GAK: variants seen among roughly 807,000 people sequenced by gnomAD.
GAK encodes the protein cyclin-G-associated kinase.
Under a neutral mutation model 143.9 loss-of-function variants are expected in GAK, and 79 were observed. The observed-to-expected ratio is 0.55, with a 90% CI of 0.46 to 0.66. The LOEUF (loss-of-function observed/expected upper bound fraction) is 0.66, where lower values mean the gene tolerates loss of function less well. Among genes scored for constraint, GAK ranks in the 30% least tolerant of loss-of-function variants. GAK has a pLI of 0.00. For synonymous variants in GAK, 881 were observed against 765.5 expected, an observed-to-expected ratio of 1.15 and a Z score of -2.49; for missense variants, 1,693 against 1,779.7, an observed-to-expected ratio of 0.95 and a Z score of 0.88.
intron 1 of GAK, among the ~76,000 whole-genome samples, chr4:930,948 C>T (rs1205026689): frequency 6.6e-6 from 1 of 152,192 alleles, no homozygotes; most frequent in Non-Finnish European, 1.5e-5. Flanking sequence ...TGAGAGGTAC[C>T]AGGGAGCTGG....
chr4:869,544 C>T (rs1577091628), intron 19 of GAK: 1 of 107,266 alleles, frequency 9.3e-6, no homozygotes. Context: ...TACACACATG[C>T]AGGGTACACA....
At position 849,402 on chromosome 4, in the gene GAK, C is replaced by T; in HGVS notation, c.*271G>A. 1.9e-6 allele frequency: 1 copy of T among 513,554 alleles called. No homozygotes were observed. The highest frequency in any genetic ancestry group is 3.3e-5 in the East Asian group (1 of 30,748). The allele number at this position is 513,554 out of a possible 1,614,324, so 31.8% of individuals were successfully genotyped here. On this transcript the variant is annotated 3_prime_UTR_variant, in exon 28 of 28. Coordinates refer to ENST00000314167, the MANE Select transcript of GAK (RefSeq NM_005255.4). Reference sequence around the variant, plus strand: ...ACGTGCCGGGGCTCCAGAGGCCACGCCCGAAACACCAAATAAATCACAGAC... The same window carrying T: ...ACGTGCCGGGGCTCCAGAGGCCACGTCCGAAACACCAAATAAATCACAGAC...
intron 26 of GAK, 175 bp from the exon 27 acceptor site, chr4:850,243 CG>C: frequency 1.8e-6 from 1 of 564,066 alleles, no homozygotes; most frequent in Non-Finnish European, 3.0e-6. Context: ...GAGCCCACTC[CG>C]GACGACACAG....
chr4:849,684 G>T lies in GAK; in HGVS notation c.3925C>A (p.Pro1309Thr). Reference sequence around the variant, plus strand: ...CCACCACTGCGGCCTCAGAAGAGGGGCCGGGAGCCCTGGTTCTCAAACTCC... The same window carrying T: ...CCACCACTGCGGCCTCAGAAGAGGGTCCGGGAGCCCTGGTTCTCAAACTCC... ...WSEFENQGSRPLF is the reference protein window; with the variant it reads ...WSEFENQGSRTLF Residue 1309 changes from proline to threonine, a missense_variant, in exon 28 of 28, where the codon CCC (proline) becomes ACC (threonine). This residue lies in a region of GAK where 822 missense variants were observed against 788.7 expected (regional missense o/e 1.04). Transcript: ENST00000314167. 1 of 1,612,278 alleles carries T rather than the reference G, an allele frequency of 6.2e-7. No homozygotes were observed. The highest frequency in any genetic ancestry group is 1.7e-5 in the Admixed American group (1 of 59,878).
rs748055361 is a variant in GAK, at chr4:882,749, A to G, written c.1475T>C (p.Met492Thr). 1 of 1,612,598 alleles carries G rather than the reference A, an allele frequency of 6.2e-7. No homozygotes were observed. The highest frequency in any genetic ancestry group is 8.5e-7 in the Non-Finnish European group (1 of 1,179,960). The stretch of plus-strand genomic sequence containing the variant: ...GTGGTCCTGCCGCAGCCAGGCGTGC[A>G]TGTTCCTGCAGATGTTGTACAGGGT... ...LHTLYNICRN[M>T]HAWLRQDHKN... Residue 492 changes from methionine (M) to threonine (T), a missense_variant, in exon 14 of 28, where the codon ATG becomes ACG. Physicochemically the swap from Met to Thr is moderately conservative, Grantham distance 81. Around this residue, in one of 2 missense-constraint regions of GAK, gnomAD observed 871 missense variants for 991.0 expected, o/e 0.88. Coordinates refer to ENST00000314167, the MANE Select transcript of GAK (RefSeq NM_005255.4).
At chr4:928,365 CT>C (rs1377726593) in intron 1 of GAK, among the ~76,000 whole-genome samples, 1 of 152,078 alleles carries the variant, frequency 6.6e-6, no homozygotes, top group Non-Finnish European at 1.5e-5. Context: ...GCCCGGTCTA[CT>C]TTTAAGATCA....
rs1045451074 is a variant in GAK at position 866,518 on chromosome 4, C to T, written c.2889G>A (p.Pro963=). The T allele has an allele frequency of 5.0e-6, 8 of 1,613,546 alleles. No individual in the cohort carries two copies. Among genetic ancestry groups the T allele is most frequent in the South Asian group, 3.3e-5 (3 of 91,046 alleles). Residue 963 remains proline, a synonymous_variant, in exon 22 of 28, where the codon CCG becomes CCA. Transcript: ENST00000314167. The part of the protein sequence containing the change: ...GPPAAADPFG[P]LLPSSGNNSQ... Reference sequence around the variant, plus strand: ...AGTTGTTGCCTGAAGACGGCAGAAGCGGGCCAAAGGGGTCAGCTGTGGGGA... The same window carrying T: ...AGTTGTTGCCTGAAGACGGCAGAAGTGGGCCAAAGGGGTCAGCTGTGGGGA...
chr4:916,529 A>C (rs1723113745), intron 1 of GAK, among the ~76,000 whole-genome samples: 1 of 152,224 alleles, frequency 6.6e-6, no homozygotes, highest in African/African-American at 2.4e-5. Context: ...GAAAACAACA[A>C]AATTTTTAAT....
At chr4:912,130 C>T (rs1006338104) in intron 3 of GAK, 1 of 461,672 alleles carries the variant, frequency 2.2e-6, no homozygotes, top group Non-Finnish European at 4.3e-6. Context: ...TGTGTCCACC[C>T]GAACCCACAC....
intron 18 of GAK, among the ~76,000 whole-genome samples, chr4:871,763 G>C (rs1712686684): frequency 6.6e-6 from 1 of 152,096 alleles, no homozygotes; most frequent in African/African-American, 2.4e-5. Context: ...GGAGGCAGGT[G>C]TGACCTGACA....
At chr4:916,490 G>A (rs1171640309) in intron 1 of GAK, among the ~76,000 whole-genome samples, 1 of 152,186 alleles carries the variant, frequency 6.6e-6, no homozygotes, top group African/African-American at 2.4e-5. Context: ...CCAAAGTGCT[G>A]GGACTACAGG....
Position 877,626 on chromosome 4 carries a change from G to A in GAK, c.1845C>T (p.Tyr615=), listed in dbSNP as rs367892342. 205 of 1,586,284 alleles carry A rather than the reference G, an allele frequency of 1.3e-4. No homozygotes were observed. The highest frequency in any genetic ancestry group is 1.7e-4 in the Middle Eastern group (1 of 5,970). ...GCAGCTGCACTCACCGCATCTTGTC[G>A]TACTCCTGGGAGGTGCTGGCCACAC... ...DERVASTSQE[Y]DKMRDFKIED... The change falls in exon 16 of 28, where the codon TAC becomes TAT. Residue 615 remains tyrosine, a synonymous_variant. Coordinates refer to ENST00000314167, the MANE Select transcript of GAK (RefSeq NM_005255.4).
chr4:863,016 G>A (rs1396995675), intron 23 of GAK, among the ~76,000 whole-genome samples: 1 of 152,210 alleles, frequency 6.6e-6, no homozygotes, highest in African/African-American at 2.4e-5. Flanking sequence ...TTCCTCTGAT[G>A]GATCTGGGTA....
At chr4:895,091 C>T (rs1024912378) in intron 7 of GAK, among the ~76,000 whole-genome samples, 5 of 152,212 alleles carry the variant, frequency 3.3e-5, no homozygotes, top group African/African-American at 7.2e-5. Context: ...CAGCACAGAC[C>T]CTGCTGTGTG....
In GAK at chr4:870,952, G is replaced by C. The variant is rs867865861; in HGVS notation, c.2055-48C>G. 14 of 1,489,608 alleles carry C rather than the reference G, an allele frequency of 9.4e-6. No homozygotes were observed. The Middle Eastern group carries it at 7.0e-4, about 75-fold the overall frequency. 92.3% of individuals were successfully genotyped at this position (1,489,608 alleles called of 1,614,324 possible). A position where few individuals can be genotyped will look rare whatever the true frequency, so the allele number is the denominator to read the frequency against. ...CTTAGGAAGGCCACCCAAGTAGTCT[G>C]TAAGTCCTTGGACATTCACTAAAGA... On this transcript the variant is annotated intron_variant, in intron 18 of 27. Coordinates refer to ENST00000314167, the MANE Select transcript of GAK (RefSeq NM_005255.4).
At chr4:912,579 C>T (rs772456001) in intron 3 of GAK, 156 bp downstream of exon 3, 9 of 563,590 alleles carry the variant, frequency 1.6e-5, no homozygotes, top group African/African-American at 1.1e-4. Flanking sequence ...TCCTAGAAGT[C>T]GCCTACAACT....
At chr4:876,181 G>A (rs1031338064) in intron 18 of GAK, among the ~76,000 whole-genome samples, 3 of 152,158 alleles carry the variant, frequency 2.0e-5, no homozygotes, top group Non-Finnish European at 2.9e-5. Flanking sequence ...GGACTGCCCC[G>A]CATCATCTCC....
chr4:874,382 T>G (rs1713380887), intron 18 of GAK, among the ~76,000 whole-genome samples: 1 of 152,224 alleles, frequency 6.6e-6, no homozygotes, highest in Admixed American at 6.5e-5. Flanking sequence ...CCTTGGATAC[T>G]TGCTGAAATG....
At chr4:904,859 TC>T in intron 4 of GAK, 80 bp from the exon 5 acceptor site, 1 of 1,403,224 alleles carries the variant, frequency 7.1e-7, no homozygotes, top group Non-Finnish European at 9.8e-7. Flanking sequence ...CACGCGGACT[TC>T]CCAGAACTAA....
Sources: allele counts gnomAD v4.1 joint callset (sites outside exome capture counted in the v4.1 genomes callset), GRCh38; gene constraint gnomAD v4.1.1; regional missense constraint gnomAD v4.1.1; transcripts MANE v1.5; gene names NCBI Gene and HGNC (gene_info 2026-07-23, HGNC 2026-07-21).